GABBR2: variants seen among roughly 807,000 people sequenced by gnomAD.
The protein encoded by GABBR2 is G-protein coupled receptor 51.
Under a neutral mutation model 105.6 loss-of-function variants are expected in GABBR2, and 23 were observed. That is an observed-to-expected ratio of 0.22 (90% confidence interval 0.16 to 0.31). The LOEUF is 0.31. Among genes scored for constraint, GABBR2 ranks in the 10% least tolerant of loss-of-function variants. GABBR2 has a pLI of 1.00. For synonymous variants in GABBR2, 478 were observed against 499.7 expected, an observed-to-expected ratio of 0.96 and a Z score of 0.58; for missense variants, 734 against 1,245.5, an observed-to-expected ratio of 0.59 and a Z score of 6.18.
chr9:98,693,765 T>G (rs760905205), intron 1 of GABBR2, among the ~76,000 whole-genome samples: 1 of 152,250 alleles, frequency 6.6e-6, no homozygotes, highest in Non-Finnish European at 1.5e-5. Context: ...AAAGCAGCCA[T>G]GCAGTGCCCA....
At chr9:98,327,702 C>G (rs1830947845) in intron 13 of GABBR2, among the ~76,000 whole-genome samples, 2 of 151,848 alleles carry the variant, frequency 1.3e-5, no homozygotes, top group South Asian at 2.1e-4. Context: ...AACCCCGTCT[C>G]TACTAAAAAT....
chr9:98,629,961 T>C (rs1281657331), intron 1 of GABBR2, among the ~76,000 whole-genome samples: 3 of 152,208 alleles, frequency 2.0e-5, no homozygotes, highest in Non-Finnish European at 4.4e-5. Context: ...TTTTCTTTTC[T>C]TCTTATTTTA....
At chr9:98,311,606 C>T (rs1830637859) in intron 13 of GABBR2, among the ~76,000 whole-genome samples, 1 of 152,182 alleles carries the variant, frequency 6.6e-6, no homozygotes, top group African/African-American at 2.4e-5. Flanking sequence ...TCTGGGGTTA[C>T]CTCTGTGCAA....
At chr9:98,542,127 G>A in intron 2 of GABBR2, 84 bp from the exon 3 acceptor site, 1 of 1,150,782 alleles carries the variant, frequency 8.7e-7, no homozygotes, top group Non-Finnish European at 1.3e-6. Context: ...AATAGAGACT[G>A]TTAGCTTCAA....
chr9:98,300,731 C>T (rs919565875), intron 16 of GABBR2, among the ~76,000 whole-genome samples: 1 of 152,190 alleles, frequency 6.6e-6, no homozygotes, highest in Admixed American at 6.5e-5. Flanking sequence ...CCTTTCTCAC[C>T]TGCTCAAGGC....
intron 4 of GABBR2, among the ~76,000 whole-genome samples, chr9:98,491,999 C>A (rs1471595213): frequency 6.6e-6 from 1 of 152,072 alleles, no homozygotes; most frequent in African/African-American, 2.4e-5. Flanking sequence ...GAGCCCCATA[C>A]AGTGCAGAAT....
intron 16 of GABBR2, among the ~76,000 whole-genome samples, chr9:98,299,665 C>T (rs1462245358): frequency 7.9e-5 from 12 of 152,156 alleles, no homozygotes; most frequent in Non-Finnish European, 1.8e-4. Flanking sequence ...AGGCTCTGGA[C>T]AGGACTTATG....
chr9:98,314,958 A>G (rs1367768997), intron 13 of GABBR2, among the ~76,000 whole-genome samples: 1 of 152,138 alleles, frequency 6.6e-6, no homozygotes, highest in Non-Finnish European at 1.5e-5. Context: ...GGCTTTCTAT[A>G]TAATCTTCCA....
At chr9:98,360,981 C>T (rs1388274330) in intron 13 of GABBR2, among the ~76,000 whole-genome samples, 1 of 152,218 alleles carries the variant, frequency 6.6e-6, no homozygotes, top group East Asian at 1.9e-4. Context: ...AGGCCTTCCA[C>T]AAACTCTGCC....
At chr9:98,686,278 C>A (rs940454300) in intron 1 of GABBR2, among the ~76,000 whole-genome samples, 3 of 152,196 alleles carry the variant, frequency 2.0e-5, no homozygotes, top group African/African-American at 7.2e-5. Flanking sequence ...CCCTCCCAAC[C>A]TGCTCTTGGG....
intron 3 of GABBR2, among the ~76,000 whole-genome samples, chr9:98,512,514 G>A (rs1249182415): frequency 5.9e-5 from 9 of 152,128 alleles, no homozygotes; most frequent in South Asian, 4.1e-4. Flanking sequence ...AAACCCCATC[G>A]TCTCAGCCCA....
chr9:98,648,116 T>TGTGTGTGTGTGTGTGTGTGTGTGTATAG lies in GABBR2; in HGVS notation c.321+60300_321+60301insCTATACACACACACACACACACACACAC. On this transcript the variant is annotated intron_variant, in intron 1 of 18. Transcript: ENST00000259455. ...GTGTGTGTGTGTGTGTGTGTGTGTG[T>TGTGTGTGTGTGTGTGTGTGTGTGTATAG]ATAGATAGATAGATAGATAGATAGA... is the stretch of plus-strand genomic sequence containing the variant. Among the ~76,000 whole-genome samples the TGTGTGTGTGTGTGTGTGTGTGTGTATAG allele has an allele frequency of 4.7e-3, 265 of 55,924 alleles. 3 individuals carry two copies. The highest frequency in any genetic ancestry group is 7.1e-3 in the Non-Finnish European group (210 of 29,420). The allele number at this position is 55,924 out of a possible 152,430, so 36.7% of individuals were successfully genotyped here.
intron 11 of GABBR2, among the ~76,000 whole-genome samples, chr9:98,381,743 A>G (rs1831980322): frequency 6.6e-6 from 1 of 152,098 alleles, no homozygotes; most frequent in Admixed American, 6.5e-5. Context: ...GGGCCCTAAT[A>G]TCTTTTCGGG....
intron 1 of GABBR2, among the ~76,000 whole-genome samples, chr9:98,672,907 T>G (rs937219134): frequency 2.6e-5 from 4 of 152,220 alleles, no homozygotes; most frequent in Admixed American, 6.5e-5. Context: ...CCTTTAATCA[T>G]CTTGGCTGGC....
chr9:98,465,767 A>G (rs1475446572), intron 6 of GABBR2, among the ~76,000 whole-genome samples: 5 of 152,256 alleles, frequency 3.3e-5, no homozygotes, highest in Admixed American at 3.3e-4. Flanking sequence ...GTAAAGGCAG[A>G]ATGAGAAAAC....
chr9:98,595,873 C>T (rs575277805), intron 1 of GABBR2, among the ~76,000 whole-genome samples: 1 of 152,248 alleles, frequency 6.6e-6, no homozygotes, highest in African/African-American at 2.4e-5. Context: ...CTCCCACAGC[C>T]ATAAGTCCTC....
chr9:98,487,029 G>A (rs1373591496), intron 4 of GABBR2, among the ~76,000 whole-genome samples: 2 of 152,202 alleles, frequency 1.3e-5, no homozygotes, highest in Admixed American at 6.5e-5. Context: ...GGAAGGGAGC[G>A]AAGAGGGAAT....
chr9:98,679,031 G>A (rs1249591374), intron 1 of GABBR2, among the ~76,000 whole-genome samples: 1 of 152,146 alleles, frequency 6.6e-6, no homozygotes, highest in African/African-American at 2.4e-5. Flanking sequence ...CTTAGCAAAT[G>A]GGAAAGAGGA....
At chr9:98,492,146 C>G (rs1462257505) in intron 4 of GABBR2, among the ~76,000 whole-genome samples, 3 of 151,750 alleles carry the variant, frequency 2.0e-5, no homozygotes, top group Non-Finnish European at 4.4e-5. Context: ...CTAAGTATGT[C>G]AAAATTTTGG....
Sources: gnomAD v4.1 joint callset for allele counts (sites outside exome capture counted in the v4.1 genomes callset) on GRCh38, gnomAD v4.1.1 for gene constraint, MANE v1.5 for transcripts, NCBI Gene and HGNC (gene_info 2026-07-23, HGNC 2026-07-21) for gene names.